CCZ1B: variants seen among roughly 807,000 people sequenced by gnomAD.
CCZ1B encodes CCZ1B vacuolar protein trafficking and biogenesis associated, also known as vacuolar fusion protein CCZ1 homolog B.
In CCZ1B, 25 loss-of-function variants were observed where a neutral mutation model predicts 58.8. The ratio of observed to expected loss-of-function variants is 0.43; its 90% CI spans 0.31 to 0.59. The LOEUF is 0.59. Among genes scored for constraint, CCZ1B ranks in the 20% least tolerant of loss-of-function variants. The pLI is 0.12. For synonymous variants in CCZ1B, 66 were observed against 173.2 expected (o/e 0.38, Z 4.86); for missense variants, 180 against 501.5 (o/e 0.36, Z 6.12).
At chr7:6,818,665 G>A (rs1783054370) in intron 7 of CCZ1B, among the ~76,000 whole-genome samples, 1 of 91,150 alleles carries the variant, frequency 1.1e-5, no homozygotes, top group Admixed American at 1.5e-4. Flanking sequence ...AAGAAAGACA[G>A]ACAGAAAGAA....
intron 12 of CCZ1B, among the ~76,000 whole-genome samples, chr7:6,801,832 C>T: frequency 9.5e-6 from 1 of 105,380 alleles, no homozygotes; most frequent in African/African-American, 3.4e-5. Flanking sequence ...CCTTGGCCTC[C>T]CAAAGTGCAG....
At chr7:6,800,317 C>G (rs1782741314) in intron 14 of CCZ1B, among the ~76,000 whole-genome samples, 1 of 141,342 alleles carries the variant, frequency 7.1e-6, no homozygotes, top group Non-Finnish European at 1.5e-5. Flanking sequence ...CTATGTGAAC[C>G]CGGCAGCTTC....
At chr7:6,803,702 G>A (rs1376689301) in intron 12 of CCZ1B, among the ~76,000 whole-genome samples, 6 of 147,666 alleles carry the variant, frequency 4.1e-5, no homozygotes, top group Non-Finnish European at 7.5e-5. Context: ...GGTGGCTCAC[G>A]CCTGTCATCC....
At chr7:6,812,347 G>T (rs1004397189) in intron 9 of CCZ1B, 5 of 389,464 alleles carry the variant, frequency 1.3e-5, no homozygotes, top group African/African-American at 8.9e-5. Context: ...AAATTAGCTG[G>T]TTCTGGTGGT....
intron 7 of CCZ1B, among the ~76,000 whole-genome samples, chr7:6,817,683 C>G (rs1453411167): frequency 6.7e-6 from 1 of 149,742 alleles, no homozygotes; most frequent in East Asian, 1.9e-4. Context: ...TGAGTCAGTA[C>G]AGCGTAAGGT....
At chr7:6,809,619 A>G (rs1782888247) in intron 10 of CCZ1B, among the ~76,000 whole-genome samples, 1 of 127,054 alleles carries the variant, frequency 7.9e-6, no homozygotes, top group African/African-American at 3.4e-5. Flanking sequence ...TTACACCTCC[A>G]ACATTTTGGT....
chr7:6,816,771 T>G lies in CCZ1B; in HGVS notation c.699-1926A>C, dbSNP rs955943670. ...CAAAACGTGCTGTTTTTCTTTTTCT[T>G]AGACAGGGTCTTGCTCTGTCACCCA... On this transcript the variant is annotated intron_variant, in intron 7 of 14. Transcript: ENST00000316731. Among the ~76,000 whole-genome samples, 17 of 151,796 alleles carry G rather than the reference T, an allele frequency of 1.1e-4. 1 individual carries two copies. The highest frequency in any genetic ancestry group is 4.1e-4 in the African/African-American group (17 of 41,168).
At chr7:6,823,668 G>A (rs1324127924) in intron 4 of CCZ1B, among the ~76,000 whole-genome samples, 7 of 152,004 alleles carry the variant, frequency 4.6e-5, no homozygotes, top group Admixed American at 2.0e-4. Context: ...ACAGGTGTGC[G>A]CCACCATCCC....
rs1350449975 is a variant in CCZ1B, at chr7:6,813,492, C to T, written c.781-455G>A. Among the ~76,000 whole-genome samples, 14 of 148,836 alleles carry T rather than the reference C, an allele frequency of 9.4e-5. 1 individual carries two copies. The highest frequency in any genetic ancestry group is 1.9e-4 in the East Asian group (1 of 5,170). Reference sequence around the variant, plus strand: ...ACTTGGGAGGCTGAGGTGACAGGACCGCTTGAGCCCAAGAGTTTGAGACCA... The same window carrying T: ...ACTTGGGAGGCTGAGGTGACAGGACTGCTTGAGCCCAAGAGTTTGAGACCA... On this transcript the variant is annotated intron_variant, in intron 8 of 14. Coordinates refer to ENST00000316731, the MANE Select transcript of CCZ1B (RefSeq NM_198097.5).
chr7:6,815,349 G>C (rs1347479575), intron 7 of CCZ1B, among the ~76,000 whole-genome samples: 1 of 149,164 alleles, frequency 6.7e-6, no homozygotes, highest in Admixed American at 6.7e-5. Flanking sequence ...TTTATGTAGA[G>C]ATGGGGGTCT....
At chr7:6,803,784 A>C (rs1401416745) in intron 12 of CCZ1B, among the ~76,000 whole-genome samples, 4 of 151,110 alleles carry the variant, frequency 2.6e-5, no homozygotes, top group African/African-American at 9.7e-5. Flanking sequence ...CAACATGGTA[A>C]AACCCAGTCT....
intron 1 of CCZ1B, among the ~76,000 whole-genome samples, chr7:6,825,366 G>A (rs1312792088): frequency 6.8e-6 from 1 of 146,310 alleles, no homozygotes; most frequent in Non-Finnish European, 1.5e-5. Flanking sequence ...AGCCTCCTGA[G>A]TAACTGGAAA....
chr7:6,805,024 T>G lies in CCZ1B; in HGVS notation c.1020A>C (p.Arg340=). ...GGGGCCCAACGATGCTGTCCAGTCT[T>G]CGGCAAAAATCCAACGTTGGGTGGA... is the stretch of plus-strand genomic sequence containing the variant. ...ASVHPTLDFC[R]RLDSIVGPQL... Residue 340 remains arginine (R), a synonymous_variant, in exon 12 of 15, where the codon CGA becomes CGC. Coordinates refer to ENST00000316731, the MANE Select transcript of CCZ1B (RefSeq NM_198097.5). The G allele has an allele frequency of 1.5e-6, 2 of 1,363,644 alleles. No homozygotes were observed. The highest frequency in any genetic ancestry group is 1.9e-6 in the Non-Finnish European group (2 of 1,041,646). 84.5% of individuals were successfully genotyped at this position (1,363,644 alleles called of 1,614,324 possible).
chr7:6,818,411 T>C (rs1424916666), intron 7 of CCZ1B, among the ~76,000 whole-genome samples: 2 of 149,098 alleles, frequency 1.3e-5, no homozygotes, highest in Non-Finnish European at 3.0e-5. Flanking sequence ...TAGCCGGGCA[T>C]GGTGGCATAT....
chr7:6,813,186 T>A, intron 8 of CCZ1B, 149 bp from the exon 9 acceptor site: 1 of 1,487,674 alleles, frequency 6.7e-7, no homozygotes, highest in Non-Finnish European at 9.2e-7. Context: ...CAGGCTGGAA[T>A]GCATGCAGCA....
intron 12 of CCZ1B, among the ~76,000 whole-genome samples, chr7:6,803,634 GCT>G (rs1782790904): frequency 7.2e-6 from 1 of 139,784 alleles, no homozygotes; most frequent in Non-Finnish European, 1.6e-5. Context: ...TCGCTTCTGC[GCT>G]CTTAGAGGCC....
intron 7 of CCZ1B, 61 bp from the exon 8 acceptor site, chr7:6,814,906 T>G: frequency 7.4e-7 from 1 of 1,358,486 alleles, no homozygotes; most frequent in South Asian, 1.5e-5. Context: ...TTTCCACTGC[T>G]GTGATAAAGC....
chr7:6,817,590 C>G (rs1562430843), intron 7 of CCZ1B, among the ~76,000 whole-genome samples: 1 of 149,856 alleles, frequency 6.7e-6, no homozygotes, highest in African/African-American at 2.5e-5. Flanking sequence ...TACAGAAGCA[C>G]AACTAGCCTC....
At chr7:6,814,003 A>C (rs188577542) in intron 8 of CCZ1B, among the ~76,000 whole-genome samples, 1 of 147,472 alleles carries the variant, frequency 6.8e-6, no homozygotes, top group South Asian at 2.1e-4. Flanking sequence ...AAAATTAGCC[A>C]GGCATGGTGG....
Sources: gnomAD v4.1 joint callset for allele counts (sites outside exome capture counted in the v4.1 genomes callset) on GRCh38, gnomAD v4.1.1 for gene constraint, MANE v1.5 for transcripts, NCBI Gene and HGNC (gene_info 2026-07-23, HGNC 2026-07-21) for gene names.